Variants in TNFAIP8 observed in about 807,000 individuals in gnomAD.
The protein encoded by TNFAIP8 is tumor necrosis factor alpha-induced protein 8.
A neutral mutation model predicts 13.3 loss-of-function variants in TNFAIP8; 7 were observed. The ratio of observed to expected loss-of-function variants is 0.52; its 90% CI spans 0.30 to 0.99. The LOEUF is 0.99. Ranked by LOEUF, TNFAIP8 falls within the 50% of genes least tolerant of loss-of-function variation. The probability of loss-of-function intolerance (pLI) is 0.07; values close to 1 mark genes in which losing one functional copy is unlikely to be tolerated. For missense variants in TNFAIP8, 258 were observed against 236.9 expected, an observed-to-expected ratio of 1.09 and a Z score of -0.58; for synonymous variants, 94 against 87.6, an observed-to-expected ratio of 1.07 and a Z score of -0.41.
intron 1 of TNFAIP8, among the ~76,000 whole-genome samples, chr5:119,320,932 C>T (rs1315550575): frequency 6.6e-6 from 1 of 152,064 alleles, no homozygotes; most frequent in Non-Finnish European, 1.5e-5. Context: ...AAAGACTAGA[C>T]TTGGCTGGGC....
intron 1 of TNFAIP8, among the ~76,000 whole-genome samples, chr5:119,372,566 G>A (rs1325997856): frequency 6.6e-6 from 1 of 152,182 alleles, no homozygotes; most frequent in East Asian, 1.9e-4. Context: ...CGCTATGTGT[G>A]CAGATTTTAT....
intron 1 of TNFAIP8, among the ~76,000 whole-genome samples, chr5:119,272,392 G>A (rs1054279269): frequency 1.3e-5 from 2 of 152,222 alleles, no homozygotes; most frequent in Non-Finnish European, 2.9e-5. Context: ...GGTAACTTGC[G>A]TAAAGATGTC....
intron 1 of TNFAIP8, among the ~76,000 whole-genome samples, chr5:119,378,185 G>A (rs546793713): frequency 1.3e-5 from 2 of 152,284 alleles, no homozygotes; most frequent in African/African-American, 4.8e-5. Context: ...CTTCTGCAAG[G>A]CATCCTGATC....
intron 1 of TNFAIP8, among the ~76,000 whole-genome samples, chr5:119,338,869 A>G (rs989638621): frequency 1.4e-4 from 22 of 152,142 alleles, no homozygotes; most frequent in Non-Finnish European, 2.5e-4. Context: ...TGAGACTGAG[A>G]CTCTATATAT....
At chr5:119,291,576 A>G (rs1966479) in intron 1 of TNFAIP8, among the ~76,000 whole-genome samples, 96,694 of 152,184 alleles carry the variant, frequency 0.64, 31,236 homozygotes, top group East Asian at 0.93. Context: ...TAAACTAATG[A>G]GGCAGTACCA....
chr5:119,275,887 G>A (rs942198011), intron 1 of TNFAIP8, among the ~76,000 whole-genome samples: 1 of 151,922 alleles, frequency 6.6e-6, no homozygotes, highest in East Asian at 1.9e-4. Context: ...GACTAATTCA[G>A]GTCTGGCCTC....
At chr5:119,383,376 C>A (rs1017484680) in intron 1 of TNFAIP8, among the ~76,000 whole-genome samples, 4 of 152,156 alleles carry the variant, frequency 2.6e-5, no homozygotes, top group Non-Finnish European at 5.9e-5. Context: ...ATTATCTGAT[C>A]ACTCTAATCA....
chr5:119,342,263 T>C (rs1422070880), intron 1 of TNFAIP8, among the ~76,000 whole-genome samples: 1 of 152,196 alleles, frequency 6.6e-6, no homozygotes, highest in African/African-American at 2.4e-5. Flanking sequence ...GATAGCACCT[T>C]GTGTTGTCCC....
intron 1 of TNFAIP8, chr5:119,306,768 C>CTTGG (rs928086580): frequency 1.3e-5 from 2 of 152,054 alleles, no homozygotes; most frequent in Admixed American, 6.5e-5. Flanking sequence ...ATGGTTTATA[C>CTTGG]TTGGTTGGTT....
intron 1 of TNFAIP8, among the ~76,000 whole-genome samples, chr5:119,284,060 A>G (rs1261430651): frequency 2.6e-5 from 4 of 152,176 alleles, no homozygotes; most frequent in Non-Finnish European, 4.4e-5. Flanking sequence ...GCACTGTGCT[A>G]AGATCTCTCT....
intron 1 of TNFAIP8, chr5:119,306,318 C>CTTTTTTTTTTT (rs770923933): frequency 4.1e-5 from 5 of 121,752 alleles, no homozygotes; most frequent in African/African-American, 1.7e-4. Context: ...TTCTTTCTTT[C>CTTTTTTTTTTT]TTTTTCTTTT....
At chr5:119,319,425 G>A (rs1388324730) in intron 1 of TNFAIP8, among the ~76,000 whole-genome samples, 1 of 152,164 alleles carries the variant, frequency 6.6e-6, no homozygotes, top group African/African-American at 2.4e-5. Context: ...TTGATTTAAT[G>A]AGAACATTCC....
chr5:119,356,088 A>G lies in TNFAIP8; in HGVS notation c.-3A>G. ...CGCCCCTGCAGCTGGTTATCCTGAC[A>G]TTATGCACTCCGAAGCAGAAGAATC... is the stretch of plus-strand genomic sequence containing the variant. On this transcript the variant is annotated 5_prime_UTR_variant, in exon 1 of 2. Transcript: ENST00000504771. 6.3e-7 allele frequency: 1 copy of G among 1,588,318 alleles called. No individual in the cohort carries two copies. The highest frequency in any genetic ancestry group is 1.1e-5 in the South Asian group (1 of 87,656).
At chr5:119,370,093 CT>C (rs891683638) in intron 1 of TNFAIP8, among the ~76,000 whole-genome samples, 3 of 151,924 alleles carry the variant, frequency 2.0e-5, no homozygotes, top group Non-Finnish European at 4.4e-5. Flanking sequence ...GCCTGCTTTT[CT>C]TTTTTTTATT....
intron 1 of TNFAIP8, among the ~76,000 whole-genome samples, chr5:119,302,550 A>C (rs1749428472): frequency 6.6e-6 from 1 of 152,180 alleles, no homozygotes; most frequent in Non-Finnish European, 1.5e-5. Flanking sequence ...CTGAACTGTC[A>C]AATTATTCAC....
intron 1 of TNFAIP8, among the ~76,000 whole-genome samples, chr5:119,294,034 CT>C (rs1043496115): frequency 6.6e-6 from 1 of 151,592 alleles, no homozygotes. Context: ...CCAATACCTT[CT>C]TTTTTTTCTT....
At chr5:119,373,959 T>C (rs1752184188) in intron 1 of TNFAIP8, among the ~76,000 whole-genome samples, 2 of 152,178 alleles carry the variant, frequency 1.3e-5, no homozygotes, top group Admixed American at 1.3e-4. Flanking sequence ...ACTAATAGTA[T>C]TGGTGTTTTT....
In TNFAIP8 at chr5:119,296,733, TC is replaced by T. The variant is rs1271944171; in HGVS notation, c.1+27827del. Among the ~76,000 whole-genome samples, 3 of 152,158 alleles carry T rather than the reference TC, an allele frequency of 2.0e-5. No individual in the cohort carries two copies. The East Asian group carries it at 5.8e-4, about 29-fold the overall frequency. ...TTCCTCCTTGTACCTCTGGTAGAAT[TC>T]GGCTGTGAATCCATCTGGTCCTGGA... On this transcript the variant is annotated intron_variant, in intron 1 of 1. Transcript: ENST00000274456.
In TNFAIP8 at chr5:119,376,124, T is replaced by G. The variant is rs550535635; in HGVS notation, c.32-16692T>G. On this transcript the variant is annotated intron_variant, in intron 1 of 1. Transcript: ENST00000504771. ...ATAAACTTAAATTTTCTTTTTTGTT[T>G]TTTTTTTTGAGATGAAATCTTGCTC... Among the ~76,000 whole-genome samples the G allele has an allele frequency of 4.6e-5, 7 of 152,056 alleles. No individual in the cohort carries two copies. The South Asian group carries it at 1.5e-3, about 32-fold the overall frequency.
Sources: gnomAD v4.1 joint callset for allele counts (sites outside exome capture counted in the v4.1 genomes callset) on GRCh38, gnomAD v4.1.1 for gene constraint, MANE v1.5 for transcripts, NCBI Gene and HGNC (gene_info 2026-07-23, HGNC 2026-07-21) for gene names.